KLHL5: variants seen among roughly 807,000 people sequenced by gnomAD.
KLHL5 encodes kelch-like protein 5.
KLHL5 carries 48 observed loss-of-function variants against 77.7 expected under a neutral mutation model. The ratio of observed to expected loss-of-function variants is 0.62; its 90% CI spans 0.49 to 0.79. The LOEUF (loss-of-function observed/expected upper bound fraction) is 0.79, where lower values mean the gene tolerates loss of function less well. KLHL5 is among the 30% of genes least tolerant of loss of function. KLHL5 has a pLI of 0.00. For missense variants in KLHL5, 723 were observed against 859.7 expected, an observed-to-expected ratio of 0.84 and a Z score of 1.99; for synonymous variants, 260 against 297.0, an observed-to-expected ratio of 0.88 and a Z score of 1.28.
intron 5 of KLHL5, among the ~76,000 whole-genome samples, chr4:39,088,352 G>A (rs1720233102): frequency 1.3e-5 from 2 of 152,196 alleles, no homozygotes; most frequent in South Asian, 4.1e-4. Context: ...TTGTACAAAT[G>A]AAGTGACAGA....
chr4:39,133,519 G>C, the KLHL5 span, among the ~76,000 whole-genome samples: 6 of 150,584 alleles, frequency 4.0e-5, no homozygotes, highest in Non-Finnish European at 8.8e-5. Flanking sequence ...GATTGCTTGA[G>C]GCCAGGAGTT....
the KLHL5 span, among the ~76,000 whole-genome samples, chr4:39,137,058 C>T: frequency 6.6e-6 from 1 of 152,126 alleles, no homozygotes; most frequent in Admixed American, 6.6e-5. Flanking sequence ...AAGGAAGTTA[C>T]AAATACAGCA....
At chr4:39,136,576 G>A in the KLHL5 span, among the ~76,000 whole-genome samples, 1 of 152,190 alleles carries the variant, frequency 6.6e-6, no homozygotes, top group Non-Finnish European at 1.5e-5. Flanking sequence ...TCCAAGCAGG[G>A]TGAAGAGGGT....
intron 5 of KLHL5, among the ~76,000 whole-genome samples, chr4:39,094,933 T>A (rs1287336461): frequency 2.0e-5 from 3 of 151,964 alleles, no homozygotes; most frequent in Non-Finnish European, 4.4e-5. Context: ...GAAGACTACA[T>A]CTACAAACTG....
At chr4:39,107,840 C>G (rs1339173225) in intron 8 of KLHL5, 109 bp downstream of exon 8, 2 of 743,478 alleles carry the variant, frequency 2.7e-6, no homozygotes, top group Admixed American at 3.1e-5. Context: ...TTTGAAGAAA[C>G]TTTTAAAACA....
Position 39,102,907 on chromosome 4 carries a change from G to C in KLHL5, c.1301-380G>C, listed in dbSNP as rs146760068. On this transcript the variant is annotated intron_variant, in intron 6 of 10. Coordinates refer to ENST00000504108, the MANE Select transcript of KLHL5 (RefSeq NM_015990.5). ...TGTGGCTAAATCCAATAATACTTCTGAGTCTTCATCTTATTTGATCCTTTC... is the reference window on the plus strand; with the variant it reads ...TGTGGCTAAATCCAATAATACTTCTCAGTCTTCATCTTATTTGATCCTTTC... Among the ~76,000 whole-genome samples the C allele has an allele frequency of 9.5e-4, 144 of 152,266 alleles. 1 individual carries two copies. Among genetic ancestry groups the C allele is most frequent in the African/African-American group, 3.2e-3 (133 of 41,544 alleles).
At chr4:39,105,018 C>T (rs1721912766) in intron 7 of KLHL5, among the ~76,000 whole-genome samples, 1 of 152,172 alleles carries the variant, frequency 6.6e-6, no homozygotes, top group South Asian at 2.1e-4. Context: ...CCAACTCAGC[C>T]TCCCAAAGTG....
At chr4:39,085,847 T>C (rs1719989728) in intron 4 of KLHL5, among the ~76,000 whole-genome samples, 1 of 152,102 alleles carries the variant, frequency 6.6e-6, no homozygotes, top group African/African-American at 2.4e-5. Flanking sequence ...TAGAAGAGAT[T>C]AAAAATTTAA....
Position 39,125,587 on chromosome 4 carries a change from G to A in KLHL5, c.*4521G>A, listed in dbSNP as rs1222651045. Among the ~76,000 whole-genome samples, 1 of 152,176 alleles carries A rather than the reference G, an allele frequency of 6.6e-6. No individual in the cohort carries two copies. Among genetic ancestry groups the A allele is most frequent in the Non-Finnish European group, 1.5e-5 (1 of 68,030 alleles). On this transcript the variant is annotated 3_prime_UTR_variant, in exon 11 of 11. Coordinates refer to ENST00000504108, the MANE Select transcript of KLHL5 (RefSeq NM_015990.5). The stretch of plus-strand genomic sequence containing the variant: ...AGCGCATTTTTGCCAAGTGAAAGAA[G>A]GCAGACACAAAAGGCAACGTATTGC...
At chr4:39,109,242 C>A (rs1428217790) in intron 8 of KLHL5, among the ~76,000 whole-genome samples, 1 of 151,862 alleles carries the variant, frequency 6.6e-6, no homozygotes, top group Non-Finnish European at 1.5e-5. Context: ...TTTTTTTATT[C>A]TGTAAAATGA....
chr4:39,070,285 C>G (rs988321037), intron 1 of KLHL5, among the ~76,000 whole-genome samples: 1 of 152,060 alleles, frequency 6.6e-6, no homozygotes, highest in South Asian at 2.1e-4. Context: ...GTTTTATTAC[C>G]GTAAGAAGGA....
chr4:39,076,297 T>C (rs1212332772), intron 2 of KLHL5, 150 bp downstream of exon 2: 1 of 657,196 alleles, frequency 1.5e-6, no homozygotes, highest in Non-Finnish European at 2.6e-6. Flanking sequence ...GCATATGAAA[T>C]TATTACACAT....
At chr4:39,142,834 C>A in the KLHL5 span, among the ~76,000 whole-genome samples, 2 of 149,604 alleles carry the variant, frequency 1.3e-5, no homozygotes, top group Non-Finnish European at 3.0e-5. Flanking sequence ...CGACATAGTT[C>A]TATTTATGTA....
chr4:39,128,078 G>A (rs1723626666), downstream of KLHL5, among the ~76,000 whole-genome samples: 2 of 152,116 alleles, frequency 1.3e-5, no homozygotes, highest in Admixed American at 6.6e-5. Context: ...GGGAGACTAA[G>A]ATCCTATACA....
intron 1 of KLHL5, among the ~76,000 whole-genome samples, chr4:39,073,967 T>C (rs1420457182): frequency 6.6e-6 from 1 of 152,064 alleles, no homozygotes; most frequent in African/African-American, 2.4e-5. Context: ...TTCAAATTAT[T>C]ATTCATCAAA....
intron 5 of KLHL5, 99 bp downstream of exon 5, chr4:39,086,826 T>C: frequency 1.2e-6 from 1 of 861,160 alleles, no homozygotes; most frequent in Non-Finnish European, 1.8e-6. Context: ...GGTGAAAAGA[T>C]AGTGAGCTAA....
In KLHL5 at chr4:39,107,600, C is replaced by T. The variant is rs753716210; in HGVS notation, c.1557C>T (p.Ala519=). ...GVAVLEGPMY[A]VGGHDGWSYL... ...CTGTACTGGAAGGTCCCATGTATGC[C>T]GTAGGAGGACATGATGGCTGGAGCT... Residue 519 remains alanine (A), a synonymous_variant, in exon 8 of 11, where the codon GCC becomes GCT. Coordinates refer to ENST00000504108, the MANE Select transcript of KLHL5 (RefSeq NM_015990.5). The T allele has an allele frequency of 6.8e-6, 11 of 1,611,646 alleles. No individual in the cohort carries two copies. The highest frequency in any genetic ancestry group is 2.2e-5 in the South Asian group (2 of 90,822).
intron 2 of KLHL5, among the ~76,000 whole-genome samples, chr4:39,079,329 G>A (rs527447319): frequency 2.5e-4 from 38 of 152,120 alleles, no homozygotes; most frequent in Non-Finnish European, 3.7e-4. Context: ...ATGTCACTGA[G>A]TGTGAAAGGG....
At chr4:39,092,856 A>G (rs981006113) in intron 5 of KLHL5, among the ~76,000 whole-genome samples, 1 of 152,224 alleles carries the variant, frequency 6.6e-6, no homozygotes, top group Non-Finnish European at 1.5e-5. Flanking sequence ...AGACAAACTA[A>G]CAATTGGCGA....
Sources: gnomAD v4.1 joint callset for allele counts (sites outside exome capture counted in the v4.1 genomes callset) on GRCh38, gnomAD v4.1.1 for gene constraint, MANE v1.5 for transcripts, NCBI Gene and HGNC (gene_info 2026-07-23, HGNC 2026-07-21) for gene names.